The following DOCK7 variants were observed in gnomAD, a reference collection of about 807,000 sequenced individuals.
DOCK7 encodes the protein dedicator of cytokinesis protein 7.
DOCK7 carries 138 observed loss-of-function variants against 271.0 expected under a neutral mutation model. That is an observed-to-expected ratio of 0.51 (90% CI 0.44 to 0.59). The LOEUF is 0.59. DOCK7 is among the 20% of genes least tolerant of loss of function. The pLI, the probability that DOCK7 is intolerant of heterozygous loss-of-function variation, is 0.00. For synonymous variants in DOCK7, 823 were observed against 876.1 expected (o/e 0.94, Z 1.07); for missense variants, 2,066 against 2,592.4 (o/e 0.80, Z 4.41).
chr1:62,557,168 G>A (rs1406504185), intron 20 of DOCK7, among the ~76,000 whole-genome samples: 1 of 151,374 alleles, frequency 6.6e-6, no homozygotes, highest in African/African-American at 2.4e-5. Flanking sequence ...CCAAAGTGCT[G>A]GGATTATAGT....
At chr1:62,615,184 T>C (rs1010380314) in intron 14 of DOCK7, among the ~76,000 whole-genome samples, 6 of 152,024 alleles carry the variant, frequency 3.9e-5, no homozygotes, top group Non-Finnish European at 8.9e-5. Context: ...TATAATCATA[T>C]TTTGTTAAAG....
intron 7 of DOCK7, chr1:62,641,384 T>C (rs1213381239): frequency 1.5e-5 from 6 of 399,184 alleles, no homozygotes; most frequent in Non-Finnish European, 3.0e-5. Context: ...AGTCCACTTT[T>C]TGTCATAGGG....
chr1:62,614,987 T>C (rs1000574913), intron 14 of DOCK7, among the ~76,000 whole-genome samples: 1 of 151,906 alleles, frequency 6.6e-6, no homozygotes, highest in Admixed American at 6.6e-5. Context: ...AAGAACCTAT[T>C]AACAATTTTA....
chr1:62,679,206 A>C (rs61778361), intron 1 of DOCK7, among the ~76,000 whole-genome samples: 114 of 152,282 alleles, frequency 7.5e-4, no homozygotes, highest in Middle Eastern at 3.4e-3. Context: ...ATATGGATGA[A>C]TATCTTAATA....
intron 37 of DOCK7, among the ~76,000 whole-genome samples, chr1:62,501,889 A>T (rs1269467007): frequency 6.6e-6 from 1 of 152,128 alleles, no homozygotes; most frequent in African/African-American, 2.4e-5. Flanking sequence ...AAAACTTTTA[A>T]TATAATCTTT....
At chr1:62,472,545 C>A (rs1645861794) in intron 48 of DOCK7, among the ~76,000 whole-genome samples, 1 of 152,164 alleles carries the variant, frequency 6.6e-6, no homozygotes, top group African/African-American at 2.4e-5. Flanking sequence ...GTAGTCATGG[C>A]AAAATATTCC....
At chr1:62,471,576 C>A (rs574421020) in intron 48 of DOCK7, among the ~76,000 whole-genome samples, 26 of 152,296 alleles carry the variant, frequency 1.7e-4, no homozygotes, top group African/African-American at 6.3e-4. Context: ...ATCCCTTGAA[C>A]CCAGGAGTTT....
At chr1:62,470,883 G>A (rs1645811091) in intron 48 of DOCK7, among the ~76,000 whole-genome samples, 1 of 152,030 alleles carries the variant, frequency 6.6e-6, no homozygotes, top group Admixed American at 6.6e-5. Context: ...TATGATGTCT[G>A]TAAAGTTATA....
chr1:62,469,340 A>G (rs1440840783), intron 48 of DOCK7, among the ~76,000 whole-genome samples: 1 of 152,238 alleles, frequency 6.6e-6, no homozygotes, highest in African/African-American at 2.4e-5. Context: ...CTATTCAACA[A>G]ATGATACTGG....
At chr1:62,457,260 A>G (rs929278575) in intron 49 of DOCK7, among the ~76,000 whole-genome samples, 1 of 152,228 alleles carries the variant, frequency 6.6e-6, no homozygotes, top group African/African-American at 2.4e-5. Flanking sequence ...CAGGTTGAAC[A>G]TCCCTAATCC....
intron 49 of DOCK7, 25 bp from the exon 50 acceptor site, chr1:62,455,481 G>A: frequency 6.2e-7 from 1 of 1,608,086 alleles, no homozygotes; most frequent in African/African-American, 1.4e-5. Flanking sequence ...AGAGGACATA[G>A]TTAGTTAAAG....
intron 4 of DOCK7, among the ~76,000 whole-genome samples, chr1:62,653,066 C>T (rs1053260308): frequency 2.6e-5 from 4 of 152,194 alleles, no homozygotes; most frequent in African/African-American, 9.6e-5. Context: ...GAATTCTCCA[C>T]TACTTCAATC....
At chr1:62,589,277 T>C (rs1270628376) in intron 14 of DOCK7, among the ~76,000 whole-genome samples, 1 of 152,210 alleles carries the variant, frequency 6.6e-6, no homozygotes, top group Non-Finnish European at 1.5e-5. Flanking sequence ...AATTACATCT[T>C]ATTTTTTAGC....
intron 35 of DOCK7, among the ~76,000 whole-genome samples, chr1:62,507,120 T>C (rs563187053): frequency 1.3e-5 from 2 of 151,912 alleles, no homozygotes; most frequent in African/African-American, 4.8e-5. Context: ...TAAAATACTT[T>C]TAAAGGAAAA....
At chr1:62,600,318 C>CT (rs1490094042) in intron 14 of DOCK7, among the ~76,000 whole-genome samples, 2 of 151,676 alleles carry the variant, frequency 1.3e-5, no homozygotes, top group Non-Finnish European at 3.0e-5. Flanking sequence ...ATTTAAGTAA[C>CT]TTTAAGATCA....
At chr1:62,641,815 T>C in intron 7 of DOCK7, 1 of 234,470 alleles carries the variant, frequency 4.3e-6, no homozygotes, top group South Asian at 6.0e-5. Context: ...TATCAATATG[T>C]GTTGACCCTC....
At chr1:62,647,659 A>G (rs746464915) in intron 7 of DOCK7, 32 bp downstream of exon 7, 5 of 1,472,708 alleles carry the variant, frequency 3.4e-6, no homozygotes, top group Middle Eastern at 1.9e-4. Flanking sequence ...CCTGGAAAAT[A>G]AAAGTTGTAA....
At chr1:62,603,524 G>A (rs1650471557) in intron 14 of DOCK7, among the ~76,000 whole-genome samples, 1 of 151,654 alleles carries the variant, frequency 6.6e-6, no homozygotes, top group East Asian at 1.9e-4. Context: ...CCAAAGGCCA[G>A]GTTTACATTT....
chr1:62,573,602 T>C (rs539859689), intron 18 of DOCK7, among the ~76,000 whole-genome samples: 2 of 152,246 alleles, frequency 1.3e-5, no homozygotes, highest in Non-Finnish European at 2.9e-5. Context: ...TTTGTTAAAT[T>C]CATAAAATAA....
Sources: allele counts gnomAD v4.1 joint callset (sites outside exome capture counted in the v4.1 genomes callset), GRCh38; gene constraint gnomAD v4.1.1; transcripts MANE v1.5; gene names NCBI Gene and HGNC (gene_info 2026-07-23, HGNC 2026-07-21).